Variants in ZBTB8OS observed in about 807,000 individuals in gnomAD.
ZBTB8OS encodes tRNA-splicing ligase-activating factor archease.
ZBTB8OS carries 16 observed loss-of-function variants against 29.3 expected under a neutral mutation model. The ratio of observed to expected loss-of-function variants is 0.55; its 90% confidence interval spans 0.37 to 0.83. The LOEUF (loss-of-function observed/expected upper bound fraction) is 0.83. Ranked by LOEUF, ZBTB8OS falls within the 40% of genes least tolerant of loss-of-function variation. ZBTB8OS has a pLI of 0.00. For synonymous variants in ZBTB8OS, 70 were observed against 64.6 expected, an observed-to-expected ratio of 1.08 and a Z score of -0.40; for missense variants, 160 against 196.9, an observed-to-expected ratio of 0.81 and a Z score of 1.12.
chr1:32,634,168 A>G, intron 2 of ZBTB8OS, 96 bp from the exon 3 acceptor site: 1 of 1,178,268 alleles, frequency 8.5e-7, no homozygotes. Context: ...TATGATAAAT[A>G]CAAATTTTAA....
chr1:32,627,184 A>G (rs1645190718), intron 6 of ZBTB8OS, among the ~76,000 whole-genome samples: 1 of 152,234 alleles, frequency 6.6e-6, no homozygotes, highest in Non-Finnish European at 1.5e-5. Flanking sequence ...AGACACACAG[A>G]AAGTAGAAGG....
Position 32,641,570 on chromosome 1 carries a change from C to A in ZBTB8OS, c.98-6778G>T, listed in dbSNP as rs374287031. 3.1e-4 allele frequency among the ~76,000 whole-genome samples: 45 copies of A among 145,690 alleles called. No individual in the cohort carries two copies. In the South Asian group the frequency reaches 9.6e-3, roughly 31 times the overall value. On this transcript the variant is annotated intron_variant, in intron 1 of 6. Coordinates refer to ENST00000468695, the MANE Select transcript of ZBTB8OS (RefSeq NM_178547.5). The stretch of plus-strand genomic sequence containing the variant: ...TACAGGCATGAGCCACCGCGCCCGG[C>A]CAATTATTGTTCTTTTCCACAAGTA...
chr1:32,624,540 G>T (rs993088782), intron 6 of ZBTB8OS, among the ~76,000 whole-genome samples: 3 of 152,196 alleles, frequency 2.0e-5, no homozygotes, highest in Non-Finnish European at 4.4e-5. Flanking sequence ...TTTAAACCAA[G>T]AAATATTCCA....
Position 32,648,963 on chromosome 1 carries a change from CTTTTTTTTT to C in ZBTB8OS, c.97+1461_97+1469del, listed in dbSNP as rs34143853. Among the ~76,000 whole-genome samples the C allele has an allele frequency of 2.6e-4, 15 of 58,746 alleles. No homozygotes were observed. The East Asian group carries it at 6.3e-3, about 25-fold the overall frequency. The allele number at this position is 58,746 out of a possible 152,430, so 38.5% of individuals were successfully genotyped here. On this transcript the variant is annotated intron_variant, in intron 1 of 6. Transcript: ENST00000468695. ...ACAGGCGTGAGCCACAGCACCAGGC[CTTTTTTTTT>C]TTTTTTTTTTTTTTGAGACAGTCTC...
At chr1:32,633,835 G>C (rs1645750945) in intron 3 of ZBTB8OS, 108 bp from the exon 4 acceptor site, 6 of 1,469,002 alleles carry the variant, frequency 4.1e-6, no homozygotes, top group Non-Finnish European at 5.5e-6. Flanking sequence ...AGAAAGAAAA[G>C]ACTCATCCTT....
intron 1 of ZBTB8OS, among the ~76,000 whole-genome samples, chr1:32,636,693 G>GAAAA (rs57720228): frequency 7.2e-6 from 1 of 138,122 alleles, no homozygotes; most frequent in African/African-American, 2.6e-5. Context: ...TCAAAAAATG[G>GAAAA]AAAAAAAAAA....
chr1:32,627,911 G>T, intron 5 of ZBTB8OS: 1 of 185,486 alleles, frequency 5.4e-6, no homozygotes, highest in Non-Finnish European at 1.1e-5. Context: ...TGGGTGTGGT[G>T]GCACATGCCT....
At chr1:32,639,437 G>A (rs1646237710) in intron 1 of ZBTB8OS, among the ~76,000 whole-genome samples, 1 of 152,034 alleles carries the variant, frequency 6.6e-6, no homozygotes, top group Non-Finnish European at 1.5e-5. Context: ...TCCTGGCCTT[G>A]CATATTTTTA....
chr1:32,624,498 G>A (rs1349346541), intron 6 of ZBTB8OS, among the ~76,000 whole-genome samples: 2 of 152,170 alleles, frequency 1.3e-5, no homozygotes, highest in African/African-American at 4.8e-5. Flanking sequence ...ATGGAGAGAA[G>A]GTAAAGACAG....
At position 32,621,196 on chromosome 1, in the gene ZBTB8OS, C is replaced by G. The variant is rs537993059; in HGVS notation, c.*666G>C. 2.0e-5 allele frequency: 3 copies of G among 152,050 alleles called. No homozygotes were observed. The highest frequency in any genetic ancestry group is 1.9e-4 in the East Asian group (1 of 5,174). 9.4% of individuals were successfully genotyped at this position (152,050 alleles called of 1,614,324 possible). ...TGGGCGGATCACAAGGTCAGGAGAT[C>G]AAGACCATCCTAGCTAACACAGTGA... On this transcript the variant is annotated 3_prime_UTR_variant, in exon 7 of 7. Transcript: ENST00000468695.
intron 6 of ZBTB8OS, among the ~76,000 whole-genome samples, chr1:32,622,310 A>G (rs190871075): frequency 2.6e-5 from 4 of 152,336 alleles, no homozygotes; most frequent in African/African-American, 9.6e-5. Context: ...TAGCAAAGAC[A>G]TAGAATCAAT....
Position 32,637,784 on chromosome 1 carries a change from A to C in ZBTB8OS, c.98-2992T>G, listed in dbSNP as rs78139008. Among the ~76,000 whole-genome samples the C allele has an allele frequency of 9.0e-3, 1,367 of 152,236 alleles. 22 individuals carry two copies. The highest frequency in any genetic ancestry group is 0.031 in the African/African-American group (1,291 of 41,530). On this transcript the variant is annotated intron_variant, in intron 1 of 6. Coordinates refer to ENST00000468695, the MANE Select transcript of ZBTB8OS (RefSeq NM_178547.5). Reference sequence around the variant, plus strand: ...AGAGATGTATGCATCTGTTTATAAAAACTCACTGGACTTTACACCATAAGG... The same window carrying C: ...AGAGATGTATGCATCTGTTTATAAACACTCACTGGACTTTACACCATAAGG...
At chr1:32,625,534 AAAAACAAAAC>A (rs146908676) in intron 6 of ZBTB8OS, among the ~76,000 whole-genome samples, 21,479 of 151,076 alleles carry the variant, frequency 0.14, 3,087 homozygotes, top group African/African-American at 0.36. Context: ...ACTCCGTCTC[AAAAACAAAAC>A]AAAACAAAAC....
At chr1:32,624,575 T>C (rs1274613778) in intron 6 of ZBTB8OS, among the ~76,000 whole-genome samples, 2 of 152,182 alleles carry the variant, frequency 1.3e-5, no homozygotes, top group South Asian at 2.1e-4. Flanking sequence ...TAATAAGCTA[T>C]TTGTAAAACA....
At position 32,621,326 on chromosome 1, in the gene ZBTB8OS, G is replaced by A. The variant is rs1423179770; in HGVS notation, c.*536C>T. ...AGGTAGGAGAATGGCGTGAACCCGG[G>A]AGGTGGAGCTTGCAGTAAGCCGAGC... On this transcript the variant is annotated 3_prime_UTR_variant, in exon 7 of 7. Transcript: ENST00000468695. 1 of 151,676 alleles carries A rather than the reference G, an allele frequency of 6.6e-6. No individual in the cohort carries two copies. The highest frequency in any genetic ancestry group is 1.9e-4 in the East Asian group (1 of 5,182). The allele number at this position is 151,676 out of a possible 1,614,324, so 9.4% of individuals were successfully genotyped here. A position where few individuals can be genotyped will look rare whatever the true frequency, so the allele number is the denominator to read the frequency against.
intron 1 of ZBTB8OS, among the ~76,000 whole-genome samples, chr1:32,649,136 T>A (rs1299226777): frequency 6.6e-6 from 1 of 151,470 alleles, no homozygotes; most frequent in Non-Finnish European, 1.5e-5. Context: ...CGCAGCTAAT[T>A]TTTGTATTTT....
chr1:32,642,271 A>T (rs573591896), intron 1 of ZBTB8OS, among the ~76,000 whole-genome samples: 5 of 152,200 alleles, frequency 3.3e-5, no homozygotes, highest in African/African-American at 1.2e-4. Context: ...TGGGAGGCCA[A>T]GGCAGGCAAA....
In ZBTB8OS at chr1:32,634,468, G is replaced by A. The variant is rs1016047041; in HGVS notation, c.122+300C>T. On this transcript the variant is annotated intron_variant, in intron 2 of 6. Transcript: ENST00000468695. ...TCTCGAACTCCTGACCTCATGATCCGTCCGCCTCAGCCTCCCAAAGTGCTG... is the reference window on the plus strand; with the variant it reads ...TCTCGAACTCCTGACCTCATGATCCATCCGCCTCAGCCTCCCAAAGTGCTG... 55 of 445,638 alleles carry A rather than the reference G, an allele frequency of 1.2e-4. 1 individual carries two copies. Among genetic ancestry groups the A allele is most frequent in the Admixed American group, 7.7e-4 (22 of 28,700 alleles). The allele number at this position is 445,638 out of a possible 1,614,324, so 27.6% of individuals were successfully genotyped here. A position where few individuals can be genotyped will look rare whatever the true frequency, so the allele number is the denominator to read the frequency against.
chr1:32,633,428 T>G lies in ZBTB8OS; in HGVS notation c.327+217A>C, dbSNP rs543633969. On this transcript the variant is annotated intron_variant, in intron 4 of 6. Transcript: ENST00000468695. ...ATTTTTATCACACAATCCTGATTAGTGACAAATACATGAGATCTAAATACG... is the reference window on the plus strand; with the variant it reads ...ATTTTTATCACACAATCCTGATTAGGGACAAATACATGAGATCTAAATACG... 97 of 476,080 alleles carry G rather than the reference T, an allele frequency of 2.0e-4. No individual in the cohort carries two copies. In the South Asian group the frequency reaches 3.4e-3, roughly 17 times the overall value. 29.5% of individuals were successfully genotyped at this position (476,080 alleles called of 1,614,324 possible).
Sources: gnomAD v4.1 joint callset for allele counts (sites outside exome capture counted in the v4.1 genomes callset) on GRCh38, gnomAD v4.1.1 for gene constraint, MANE v1.5 for transcripts, NCBI Gene and HGNC (gene_info 2026-07-23, HGNC 2026-07-21) for gene names.